Variants in NKAIN3 observed in about 807,000 individuals in gnomAD.
NKAIN3 encodes sodium/potassium-transporting ATPase subunit beta-1-interacting protein 3.
Under a neutral mutation model 30.2 loss-of-function variants are expected in NKAIN3, and 25 were observed. The ratio of observed to expected loss-of-function variants is 0.83; its 90% CI spans 0.60 to 1.16. The LOEUF (loss-of-function observed/expected upper bound fraction) is 1.16, where lower values mean the gene tolerates loss of function less well. Ranked by LOEUF, NKAIN3 falls within the 50% of genes most tolerant of loss-of-function variation. The pLI is 0.00. For synonymous variants in NKAIN3, 91 were observed against 89.6 expected (o/e 1.02, Z -0.09); for missense variants, 225 against 254.1 (o/e 0.89, Z 0.78).
intron 3 of NKAIN3, among the ~76,000 whole-genome samples, chr8:62,698,224 C>A (rs1814224969): frequency 6.6e-6 from 1 of 151,988 alleles, no homozygotes; most frequent in Admixed American, 6.6e-5. Context: ...AGTAATGATG[C>A]CATGAGAAGA....
intron 4 of NKAIN3, among the ~76,000 whole-genome samples, chr8:62,845,845 A>G (rs1438604171): frequency 6.6e-6 from 1 of 152,112 alleles, no homozygotes; most frequent in Non-Finnish European, 1.5e-5. Context: ...TTCACCACAC[A>G]CCCAAACTGC....
In NKAIN3 at chr8:62,947,381, T is replaced by C. The variant is rs549926183; in HGVS notation, c.533-6521T>C. Among the ~76,000 whole-genome samples, 18 of 152,320 alleles carry C rather than the reference T, an allele frequency of 1.2e-4. No individual in the cohort carries two copies. In the East Asian group the frequency reaches 2.3e-3, roughly 20 times the overall value. On this transcript the variant is annotated intron_variant, in intron 5 of 6. Coordinates refer to ENST00000623646, the MANE Select transcript of NKAIN3 (RefSeq NM_001304533.3). ...AAGAAGAAGAATTAAATTGATATAT[T>C]TGAGCTCCTTCCAAGGGCTGGCAAG... is the stretch of plus-strand genomic sequence containing the variant.
intron 3 of NKAIN3, among the ~76,000 whole-genome samples, chr8:62,740,842 A>T (rs1482016691): frequency 6.6e-6 from 1 of 152,098 alleles, no homozygotes; most frequent in Non-Finnish European, 1.5e-5. Context: ...CAAACATTTA[A>T]TGTTTACTTA....
At chr8:62,834,080 GA>G (rs575021644) in intron 4 of NKAIN3, among the ~76,000 whole-genome samples, 32 of 152,126 alleles carry the variant, frequency 2.1e-4, no homozygotes, top group Non-Finnish European at 3.8e-4. Flanking sequence ...AAAATCAAAT[GA>G]TGATCTCAAT....
intron 1 of NKAIN3, among the ~76,000 whole-genome samples, chr8:62,320,394 T>G (rs892555751): frequency 6.6e-5 from 10 of 152,146 alleles, no homozygotes; most frequent in African/African-American, 2.4e-4. Flanking sequence ...GCTGGTTATT[T>G]TGCTCGTTAG....
chr8:62,932,962 T>G (rs1822665197), intron 5 of NKAIN3, among the ~76,000 whole-genome samples: 1 of 148,942 alleles, frequency 6.7e-6, no homozygotes, highest in South Asian at 2.1e-4. Context: ...ATGTCTGCCC[T>G]AGAAGGCTAA....
chr8:62,357,690 A>G (rs1013159414), intron 1 of NKAIN3, among the ~76,000 whole-genome samples: 1 of 152,114 alleles, frequency 6.6e-6, no homozygotes, highest in African/African-American at 2.4e-5. Context: ...GCTTCCTTTC[A>G]TGACCTCGAC....
At chr8:62,833,709 G>C (rs1407825253) in intron 4 of NKAIN3, among the ~76,000 whole-genome samples, 1 of 150,002 alleles carries the variant, frequency 6.7e-6, no homozygotes, top group African/African-American at 2.4e-5. Context: ...AAAAAAAAAA[G>C]CCCCACATGG....
intron 3 of NKAIN3, among the ~76,000 whole-genome samples, chr8:62,646,167 G>A (rs761597611): frequency 6.8e-6 from 1 of 147,670 alleles, no homozygotes; most frequent in Non-Finnish European, 1.5e-5. Flanking sequence ...AGATGCAGAT[G>A]TTCTGCTGCC....
In NKAIN3 at chr8:62,981,101, A is replaced by G. The variant is rs920148849; in HGVS notation, c.*15694A>G. 6.6e-6 allele frequency: 1 copy of G among 152,206 alleles called. No homozygotes were observed. The highest frequency in any genetic ancestry group is 6.5e-5 in the Admixed American group (1 of 15,284). 9.4% of individuals were successfully genotyped at this position (152,206 alleles called of 1,614,324 possible). On this transcript the variant is annotated 3_prime_UTR_variant, in exon 7 of 7. Transcript: ENST00000623646. Reference sequence around the variant, plus strand: ...GCGGCAGTTTCAGGGTAGTGTTGAGAAGATAACTCCTGGTCCCATTTTATT... The same window carrying G: ...GCGGCAGTTTCAGGGTAGTGTTGAGGAGATAACTCCTGGTCCCATTTTATT...
At chr8:62,905,709 A>G (rs1328234054) in intron 4 of NKAIN3, among the ~76,000 whole-genome samples, 1 of 152,152 alleles carries the variant, frequency 6.6e-6, no homozygotes, top group Non-Finnish European at 1.5e-5. Flanking sequence ...AACCAATCAG[A>G]GACCTTTAAC....
chr8:62,376,785 C>A (rs1035760784), intron 1 of NKAIN3, among the ~76,000 whole-genome samples: 1 of 152,030 alleles, frequency 6.6e-6, no homozygotes, highest in East Asian at 1.9e-4. Flanking sequence ...GTTGTTTAGG[C>A]CATTCTAGGA....
intron 3 of NKAIN3, among the ~76,000 whole-genome samples, chr8:62,731,377 T>C (rs1439137859): frequency 6.6e-6 from 1 of 152,208 alleles, no homozygotes; most frequent in East Asian, 1.9e-4. Flanking sequence ...ATATTATAAC[T>C]GTCTTTTCTC....
chr8:62,856,287 T>C (rs1820057077), intron 4 of NKAIN3: 1 of 934,806 alleles, frequency 1.1e-6, no homozygotes, highest in Non-Finnish European at 1.8e-6. Context: ...TGGACCAGAT[T>C]ATAAATGCCC....
At chr8:62,926,060 G>T (rs753856883) in intron 5 of NKAIN3, among the ~76,000 whole-genome samples, 4 of 152,168 alleles carry the variant, frequency 2.6e-5, no homozygotes, top group Non-Finnish European at 5.9e-5. Flanking sequence ...CTGCCATTCA[G>T]GTGGTGCCGA....
chr8:62,678,670 A>G (rs1042479194), intron 3 of NKAIN3, among the ~76,000 whole-genome samples: 32 of 150,466 alleles, frequency 2.1e-4, no homozygotes, highest in African/African-American at 7.5e-4. Flanking sequence ...TTATATCATT[A>G]CATTGATAAT....
intron 3 of NKAIN3, among the ~76,000 whole-genome samples, chr8:62,647,984 T>C (rs1812516181): frequency 6.6e-6 from 1 of 151,978 alleles, no homozygotes; most frequent in Non-Finnish European, 1.5e-5. Flanking sequence ...GGTAATATCG[T>C]CAAGGCCTAT....
chr8:62,374,175 A>G (rs1044033360), intron 1 of NKAIN3, among the ~76,000 whole-genome samples: 2 of 151,852 alleles, frequency 1.3e-5, no homozygotes, highest in African/African-American at 2.4e-5. Flanking sequence ...GAGAAAGAGA[A>G]ATTATACTTC....
intron 3 of NKAIN3, among the ~76,000 whole-genome samples, chr8:62,598,861 T>G (rs1168206303): frequency 6.6e-6 from 1 of 152,014 alleles, no homozygotes; most frequent in Non-Finnish European, 1.5e-5. Context: ...GCAAACAGGA[T>G]CCAGCTGTTG....
Sources: allele counts gnomAD v4.1 joint callset (sites outside exome capture counted in the v4.1 genomes callset), GRCh38; gene constraint gnomAD v4.1.1; transcripts MANE v1.5; gene names NCBI Gene and HGNC (gene_info 2026-07-23, HGNC 2026-07-21).